The following SFI1 variants were observed in gnomAD, a reference collection of about 807,000 sequenced individuals.
SFI1 encodes protein SFI1 homolog.
A neutral mutation model predicts 207.5 loss-of-function variants in SFI1; 195 were observed. The observed-to-expected ratio is 0.94, with a 90% CI of 0.84 to 1.06. The LOEUF (loss-of-function observed/expected upper bound fraction) is 1.06, where lower values mean the gene tolerates loss of function less well. SFI1 is among the 50% of genes least tolerant of loss of function. The probability of loss-of-function intolerance (pLI) is 0.00; values close to 1 mark genes in which losing one functional copy is unlikely to be tolerated. For synonymous variants in SFI1, 630 were observed against 598.9 expected (o/e 1.05, Z -0.76); for missense variants, 1,634 against 1,588.0 (o/e 1.03, Z -0.49).
chr22:31,549,046 G>A (rs1264405811), intron 5 of SFI1, among the ~76,000 whole-genome samples: 1 of 151,956 alleles, frequency 6.6e-6, no homozygotes, highest in African/African-American at 2.4e-5. Flanking sequence ...CTAGCACTTT[G>A]GGAGGCCAGG....
intron 8 of SFI1, 31 bp from the exon 9 acceptor site, chr22:31,573,027 C>T: frequency 6.2e-7 from 1 of 1,609,186 alleles, no homozygotes; most frequent in Non-Finnish European, 8.5e-7. Flanking sequence ...CCTGCCTCTC[C>T]TTTGACTGTT....
At chr22:31,587,399 C>A (rs1462863382) in intron 14 of SFI1, 2 of 285,464 alleles carry the variant, frequency 7.0e-6, no homozygotes, top group Non-Finnish European at 1.6e-5. Flanking sequence ...TCTCCCCAGG[C>A]TCAAGCGATT....
chr22:31,562,560 T>C (rs2061824214), intron 8 of SFI1, among the ~76,000 whole-genome samples: 1 of 152,166 alleles, frequency 6.6e-6, no homozygotes, highest in Non-Finnish European at 1.5e-5. Context: ...CATATTATTG[T>C]TAAGGGAACC....
intron 2 of SFI1, among the ~76,000 whole-genome samples, chr22:31,514,990 T>C (rs1409241020): frequency 6.6e-6 from 1 of 152,068 alleles, no homozygotes; most frequent in African/African-American, 2.4e-5. Context: ...CAGGATGGTC[T>C]CAATCTCTTG....
intron 24 of SFI1, chr22:31,612,104 C>T (rs141658580): frequency 1.4e-5 from 16 of 1,134,234 alleles, no homozygotes; most frequent in Admixed American, 4.6e-5. Context: ...GGAGGCCGGG[C>T]GCAGTGGCTC....
At chr22:31,610,789 C>A (rs2069956208) in intron 22 of SFI1, among the ~76,000 whole-genome samples, 1 of 152,190 alleles carries the variant, frequency 6.6e-6, no homozygotes, top group Admixed American at 6.5e-5. Flanking sequence ...TCCTCCTCCC[C>A]CCTCAGACTG....
At chr22:31,557,146 C>T in intron 7 of SFI1, 87 bp downstream of exon 7, 1 of 772,028 alleles carries the variant, frequency 1.3e-6, no homozygotes, top group Non-Finnish European at 2.1e-6. Context: ...TAAAACCTCA[C>T]CTTAAAACAA....
intron 3 of SFI1, among the ~76,000 whole-genome samples, chr22:31,530,322 C>T (rs9606853): frequency 1.3e-5 from 2 of 149,472 alleles, no homozygotes; most frequent in South Asian, 2.1e-4. Context: ...AACCTGGTCT[C>T]TACTAAAAAT....
intron 17 of SFI1, 150 bp downstream of exon 17, chr22:31,602,935 T>A: frequency 1.1e-6 from 1 of 950,512 alleles, no homozygotes; most frequent in Non-Finnish European, 1.5e-6. Context: ...AAAAGAGTCT[T>A]AAGTAAAACT....
intron 24 of SFI1, 79 bp downstream of exon 24, chr22:31,611,919 C>CAGA (rs1298535743): frequency 1.9e-6 from 3 of 1,576,576 alleles, no homozygotes; most frequent in Non-Finnish European, 2.6e-6. Context: ...GAATGACCTT[C>CAGA]AGCCTACACC....
intron 7 of SFI1, among the ~76,000 whole-genome samples, chr22:31,558,209 T>A (rs539154506): frequency 4.5e-4 from 69 of 152,220 alleles, no homozygotes; most frequent in African/African-American, 1.6e-3. Flanking sequence ...AGAAAATCAG[T>A]GGACATAAAG....
intron 8 of SFI1, among the ~76,000 whole-genome samples, chr22:31,570,664 C>G (rs5994403): frequency 0.99 from 150,608 of 152,312 alleles, 74,485 homozygotes; most frequent in Middle Eastern, 1. Flanking sequence ...CACTTTGGGA[C>G]GCTGAGGCGG....
chr22:31,614,300 C>A, intron 27 of SFI1: 1 of 327,728 alleles, frequency 3.1e-6, no homozygotes, highest in Non-Finnish European at 5.9e-6. Context: ...GTCCCTCTGC[C>A]CACCCCTACT....
At chr22:31,515,483 A>G (rs757216669) in intron 2 of SFI1, among the ~76,000 whole-genome samples, 5 of 149,232 alleles carry the variant, frequency 3.4e-5, no homozygotes, top group South Asian at 2.1e-4. Context: ...AGCTCATGCA[A>G]TCCTCCTTCC....
At chr22:31,554,017 T>C (rs1326852767) in intron 6 of SFI1, among the ~76,000 whole-genome samples, 5 of 151,424 alleles carry the variant, frequency 3.3e-5, no homozygotes, top group South Asian at 2.1e-4. Context: ...TTTTATATTT[T>C]ACAGAGATGG....
intron 15 of SFI1, among the ~76,000 whole-genome samples, chr22:31,594,585 G>A (rs2066786060): frequency 1.3e-5 from 2 of 150,710 alleles, no homozygotes; most frequent in Non-Finnish European, 3.0e-5. Context: ...GCCGGGCCTG[G>A]TGGCTCATGT....
At position 31,604,965 on chromosome 22, in the gene SFI1, C is replaced by G; in HGVS notation, c.2054+20C>G. 6.3e-7 allele frequency: 1 copy of G among 1,576,524 alleles called. No individual in the cohort carries two copies. The highest frequency in any genetic ancestry group is 8.6e-7 in the Non-Finnish European group (1 of 1,161,002). On this transcript the variant is annotated intron_variant, in intron 20 of 32. Transcript: ENST00000400288. ...GCTGCGGTGAGTCTCCCGGGCGCCTCCCAAGCTCCAGCTGGGGAACAAGGA... is the reference window on the plus strand; with the variant it reads ...GCTGCGGTGAGTCTCCCGGGCGCCTGCCAAGCTCCAGCTGGGGAACAAGGA...
intron 8 of SFI1, among the ~76,000 whole-genome samples, chr22:31,569,345 G>A (rs73160655): frequency 0.048 from 7,376 of 152,246 alleles, 172 homozygotes; most frequent in African/African-American, 0.064. Flanking sequence ...TACTATGTAA[G>A]GGGAAGTACC....
chr22:31,583,787 T>TG (rs992800281), intron 12 of SFI1, 88 bp from the exon 13 acceptor site: 2 of 1,155,568 alleles, frequency 1.7e-6, no homozygotes, highest in Non-Finnish European at 2.6e-6. Context: ...ATTTCTGCTT[T>TG]GGGGGAGCTC....
Sources: gnomAD v4.1 joint callset for allele counts (sites outside exome capture counted in the v4.1 genomes callset) on GRCh38, gnomAD v4.1.1 for gene constraint, MANE v1.5 for transcripts, NCBI Gene and HGNC (gene_info 2026-07-23, HGNC 2026-07-21) for gene names.